Variants in MAPK10 observed in about 807,000 individuals in gnomAD.
The protein encoded by MAPK10 is mitogen-activated protein kinase 10.
Under a neutral mutation model 59.3 loss-of-function variants are expected in MAPK10, and 25 were observed. That is an observed-to-expected ratio of 0.42 (90% CI 0.31 to 0.59). The LOEUF (loss-of-function observed/expected upper bound fraction) is 0.59. MAPK10 is among the 20% of genes least tolerant of loss of function. The pLI is 0.15. For synonymous variants in MAPK10, 190 were observed against 200.5 expected, an observed-to-expected ratio of 0.95 and a Z score of 0.44; for missense variants, 351 against 568.9, an observed-to-expected ratio of 0.62 and a Z score of 3.90.
chr4:86,334,950 C>A (rs1487310886), intron 2 of MAPK10: 1 of 121,350 alleles, frequency 8.2e-6, no homozygotes, highest in Non-Finnish European at 1.8e-5. Flanking sequence ...GAATAATAGT[C>A]TTTCACATGT....
chr4:86,577,364 C>A (rs1286809446), intron 1 of MAPK10, among the ~76,000 whole-genome samples: 1 of 151,934 alleles, frequency 6.6e-6, no homozygotes, highest in East Asian at 1.9e-4. Flanking sequence ...ATCAAAAGAG[C>A]AAACTAGAAG....
chr4:86,494,711 C>T (rs2149076559), intron 1 of MAPK10, among the ~76,000 whole-genome samples: 1 of 151,578 alleles, frequency 6.6e-6, no homozygotes, highest in African/African-American at 2.4e-5. Flanking sequence ...GCCGTGGTGG[C>T]GGGTGCCTGC....
At chr4:86,481,293 G>C (rs1463377570) in intron 1 of MAPK10, among the ~76,000 whole-genome samples, 2 of 152,090 alleles carry the variant, frequency 1.3e-5, no homozygotes, top group Admixed American at 6.6e-5. Context: ...AAATCAGAGA[G>C]ACCTTGCTTC....
chr4:86,304,039 G>A (rs2148852675), intron 2 of MAPK10, among the ~76,000 whole-genome samples: 1 of 152,226 alleles, frequency 6.6e-6, no homozygotes, highest in Middle Eastern at 3.4e-3. Context: ...GGTTTATTCT[G>A]GCAGAAGAAA....
At chr4:86,130,801 A>G (rs1465687627) in intron 4 of MAPK10, among the ~76,000 whole-genome samples, 2 of 152,130 alleles carry the variant, frequency 1.3e-5, no homozygotes, top group Non-Finnish European at 2.9e-5. Flanking sequence ...TGAAGGAATG[A>G]AATTGTCACT....
At chr4:86,034,746 A>C (rs150556082) in intron 11 of MAPK10, among the ~76,000 whole-genome samples, 5 of 152,270 alleles carry the variant, frequency 3.3e-5, no homozygotes, top group African/African-American at 1.2e-4. Flanking sequence ...GTCCTAACAA[A>C]GCCTAGATTT....
chr4:86,151,657 G>A (rs1047787206), intron 4 of MAPK10, among the ~76,000 whole-genome samples: 1 of 152,174 alleles, frequency 6.6e-6, no homozygotes, highest in Non-Finnish European at 1.5e-5. Context: ...TCCAGCAGGA[G>A]TGTGACAGGT....
intron 11 of MAPK10, chr4:86,044,619 A>G (rs1232008822): frequency 2.5e-6 from 1 of 395,998 alleles, no homozygotes; most frequent in Non-Finnish European, 4.5e-6. Context: ...ATATACTATG[A>G]TTTTAAAGAA....
At chr4:86,041,434 TTA>T (rs1560881844) in intron 11 of MAPK10, among the ~76,000 whole-genome samples, 1 of 152,164 alleles carries the variant, frequency 6.6e-6, no homozygotes, top group African/African-American at 2.4e-5. Flanking sequence ...AAAGACCTCA[TTA>T]CTAAAACACC....
intron 1 of MAPK10, among the ~76,000 whole-genome samples, chr4:86,592,903 A>G (rs753273016): frequency 8.5e-5 from 13 of 152,202 alleles, no homozygotes; most frequent in Non-Finnish European, 1.3e-4. Flanking sequence ...CATTTTAGCT[A>G]TAATTGTTCT....
At chr4:86,272,110 T>C (rs9994347) in intron 2 of MAPK10, among the ~76,000 whole-genome samples, 7,798 of 152,144 alleles carry the variant, frequency 0.051, 678 homozygotes, top group African/African-American at 0.18. Context: ...TGCTCCTGCA[T>C]TGATTCACTT....
chr4:86,340,829 A>G (rs1724478349), intron 2 of MAPK10, among the ~76,000 whole-genome samples: 1 of 152,228 alleles, frequency 6.6e-6, no homozygotes, highest in Non-Finnish European at 1.5e-5. Context: ...CAATACTAGA[A>G]TCATAAAAGA....
intron 1 of MAPK10, among the ~76,000 whole-genome samples, chr4:86,433,555 C>CTTCTTTT (rs1424833074): frequency 2.0e-5 from 2 of 97,600 alleles, no homozygotes; most frequent in African/African-American, 8.0e-5. Context: ...GGGCCTTCTT[C>CTTCTTTT]TTTTTTTTTT....
At chr4:86,264,875 T>C (rs1231339087) in intron 2 of MAPK10, among the ~76,000 whole-genome samples, 1 of 149,950 alleles carries the variant, frequency 6.7e-6, no homozygotes, top group African/African-American at 2.5e-5. Flanking sequence ...TCTAGGTTTT[T>C]GATGGCCCTG....
intron 13 of MAPK10, among the ~76,000 whole-genome samples, chr4:86,019,560 C>G (rs922935652): frequency 6.6e-6 from 1 of 152,150 alleles, no homozygotes; most frequent in Non-Finnish European, 1.5e-5. Flanking sequence ...TCCTAGCAGA[C>G]AGCCCTTGGT....
In MAPK10 at chr4:86,494,842, C is replaced by CAAAAA. The variant is rs567947232; in HGVS notation, c.-263+99063_-263+99067dup. 1.7e-4 allele frequency among the ~76,000 whole-genome samples: 4 copies of CAAAAA among 23,988 alleles called. 1 individual carries two copies. The highest frequency in any genetic ancestry group is 1.3e-3 in the East Asian group (1 of 774). 15.7% of individuals were successfully genotyped at this position (23,988 alleles called of 152,430 possible). On this transcript the variant is annotated intron_variant, in intron 1 of 4. Transcript: ENST00000502302. ...TGGGCGACAGAGAGAGACTCCGTCTCAAAAAAAAAAAAAAAAAAAAAAAAA... is the reference window on the plus strand; with the variant it reads ...TGGGCGACAGAGAGAGACTCCGTCTCAAAAAAAAAAAAAAAAAAAAAAAAAAAAAA...
chr4:86,587,986 C>T (rs1762753971), intron 1 of MAPK10, among the ~76,000 whole-genome samples: 1 of 152,110 alleles, frequency 6.6e-6, no homozygotes, highest in Admixed American at 6.5e-5. Flanking sequence ...CTGTGAATAG[C>T]CACTGCACTC....
chr4:86,485,256 C>T (rs1159720403), intron 1 of MAPK10, among the ~76,000 whole-genome samples: 1 of 152,134 alleles, frequency 6.6e-6, no homozygotes, highest in Non-Finnish European at 1.5e-5. Context: ...TTGATCAGTT[C>T]CCTCCTCTTA....
chr4:86,289,398 C>A (rs1466789520), intron 2 of MAPK10, among the ~76,000 whole-genome samples: 2 of 151,764 alleles, frequency 1.3e-5, no homozygotes, highest in Non-Finnish European at 2.9e-5. Flanking sequence ...TTTAAAAGAC[C>A]ATTCTAGATG....
Sources: allele counts gnomAD v4.1 joint callset (sites outside exome capture counted in the v4.1 genomes callset), GRCh38; gene constraint gnomAD v4.1.1; transcripts MANE v1.5; gene names NCBI Gene and HGNC (gene_info 2026-07-23, HGNC 2026-07-21).